The following CNDP1 variants were observed in gnomAD, a reference collection of about 807,000 sequenced individuals.
CNDP1 encodes the protein beta-Ala-His dipeptidase.
CNDP1 carries 44 observed loss-of-function variants against 58.1 expected under a neutral mutation model. That is an observed-to-expected ratio of 0.76 (90% CI 0.60 to 0.97). The LOEUF (loss-of-function observed/expected upper bound fraction) is 0.97, where lower values mean the gene tolerates loss of function less well. Ranked by LOEUF, CNDP1 falls within the 50% of genes least tolerant of loss-of-function variation. The pLI is 0.00. For missense variants in CNDP1, 616 were observed against 655.1 expected (o/e 0.94, Z 0.65); for synonymous variants, 254 against 252.6 (o/e 1.01, Z -0.05).
rs1201862404 is a variant in CNDP1 at position 74,545,860 on chromosome 18, C to T, written c.25-10478C>T. On this transcript the variant is annotated intron_variant, in intron 1 of 11. Transcript: ENST00000358821. The surrounding 1 kb of genome is among the most constrained non-coding windows in gnomAD (Gnocchi z 4.1). ...GATATCTCCAAAGGAGAATGTTCGC[C>T]TTGGGTTTTGGCTCCAGCGTCAGGC... is the stretch of plus-strand genomic sequence containing the variant. 1.3e-5 allele frequency among the ~76,000 whole-genome samples: 2 copies of T among 152,194 alleles called. No homozygotes were observed. The highest frequency in any genetic ancestry group is 1.5e-5 in the Non-Finnish European group (1 of 68,038).
chr18:74,560,990 G>C lies in CNDP1; in HGVS notation c.438G>C (p.Thr146=). ...CTGACCGGGGCGATGGGTGGCTCACGGACCCCTATGTGCTGACGGAGGTAG... is the reference window on the plus strand; with the variant it reads ...CTGACCGGGGCGATGGGTGGCTCACCGACCCCTATGTGCTGACGGAGGTAG... ...QPADRGDGWL[T]DPYVLTEVDG... The change falls in exon 4 of 12, where the codon ACG becomes ACC. Residue 146 remains threonine, a synonymous_variant. Transcript: ENST00000358821. The C allele has an allele frequency of 6.2e-7, 1 of 1,614,066 alleles. No homozygotes were observed. Among genetic ancestry groups the C allele is most frequent in the Non-Finnish European group, 8.5e-7 (1 of 1,180,000 alleles).
chr18:74,548,159 C>G (rs563680001), intron 1 of CNDP1, among the ~76,000 whole-genome samples: 2 of 152,312 alleles, frequency 1.3e-5, no homozygotes, highest in South Asian at 2.1e-4. Flanking sequence ...CTTTCGACAT[C>G]CCTAGATTTT....
At chr18:74,558,351 C>G (rs1426886764) in intron 2 of CNDP1, among the ~76,000 whole-genome samples, 1 of 151,752 alleles carries the variant, frequency 6.6e-6, no homozygotes, top group Admixed American at 6.6e-5. Context: ...CTCAGTGGTC[C>G]TCACCATCAC....
Position 74,576,989 on chromosome 18 carries a change from G to C in CNDP1, c.962G>C (p.Arg321Pro). ...KAIHLDLEEYRNSSRVEKFLF... is the reference protein window; with the variant it reads ...KAIHLDLEEYPNSSRVEKFLF... ...ATCCATCTAGACCTAGAAGAATACC[G>C]GAATAGCAGCCGGGTTGAGAAATTT... is the stretch of plus-strand genomic sequence containing the variant. The change falls in exon 8 of 12, where the codon CGG (arginine) becomes CCG (proline). Residue 321 changes from arginine to proline, a missense_variant. Arg to Pro is a moderately radical substitution (Grantham distance 103). Coordinates refer to ENST00000358821, the MANE Select transcript of CNDP1 (RefSeq NM_032649.6). 6.2e-7 allele frequency: 1 copy of C among 1,612,960 alleles called. No homozygotes were observed. Among genetic ancestry groups the C allele is most frequent in the Non-Finnish European group, 8.5e-7 (1 of 1,179,516 alleles).
chr18:74,537,759 G>T lies in CNDP1; in HGVS notation c.24+3068G>T, dbSNP rs192811486. On this transcript the variant is annotated intron_variant, in intron 1 of 11. Coordinates refer to ENST00000358821, the MANE Select transcript of CNDP1 (RefSeq NM_032649.6). ...ACTCCGGGCAAAGAGTGGTACCTGG[G>T]ATATGGACTCTGGGACCAGGAAGCT... Among the ~76,000 whole-genome samples, 157 of 152,306 alleles carry T rather than the reference G, an allele frequency of 1.0e-3. 1 individual carries two copies. In the East Asian group the frequency reaches 0.024, roughly 23 times the overall value.
intron 2 of CNDP1, among the ~76,000 whole-genome samples, chr18:74,557,563 C>T (rs1981075612): frequency 6.6e-6 from 1 of 152,058 alleles, no homozygotes; most frequent in Non-Finnish European, 1.5e-5. Flanking sequence ...CCTAGGCTCT[C>T]TTGTCCCCTC....
At chr18:74,564,959 A>G (rs938399250) in intron 5 of CNDP1, among the ~76,000 whole-genome samples, 1 of 152,244 alleles carries the variant, frequency 6.6e-6, no homozygotes, top group African/African-American at 2.4e-5. Context: ...TGATAAAGGC[A>G]TACCTGAGAC....
At chr18:74,539,829 A>G (rs1211361340) in intron 1 of CNDP1, among the ~76,000 whole-genome samples, 1 of 152,192 alleles carries the variant, frequency 6.6e-6, no homozygotes. Context: ...AGTTCCAACA[A>G]TTACCAACAT....
intron 5 of CNDP1, 144 bp from the exon 6 acceptor site, chr18:74,567,089 C>A (rs1373723505): frequency 6.1e-6 from 4 of 653,964 alleles, no homozygotes; most frequent in Non-Finnish European, 1.1e-5. Context: ...GAAAGACTGG[C>A]CCCCATGATT....
At chr18:74,581,469 T>C (rs912595140) in intron 10 of CNDP1, among the ~76,000 whole-genome samples, 7 of 152,128 alleles carry the variant, frequency 4.6e-5, no homozygotes, top group Admixed American at 2.0e-4. Flanking sequence ...GCCAAGGAGA[T>C]TCCACAGGAG....
At chr18:74,552,564 T>C (rs1378275105) in intron 1 of CNDP1, among the ~76,000 whole-genome samples, 2 of 152,260 alleles carry the variant, frequency 1.3e-5, no homozygotes, top group East Asian at 3.8e-4. Flanking sequence ...GTTCAAAGTT[T>C]GTCTACACTG....
At chr18:74,539,972 A>T (rs1158941763) in intron 1 of CNDP1, among the ~76,000 whole-genome samples, 2 of 152,204 alleles carry the variant, frequency 1.3e-5, no homozygotes, top group Admixed American at 1.3e-4. Context: ...AGGTGAGCAC[A>T]TGTGTGTATA....
chr18:74,551,338 A>G (rs1383710659), intron 1 of CNDP1, among the ~76,000 whole-genome samples: 1 of 149,490 alleles, frequency 6.7e-6, no homozygotes, highest in Non-Finnish European at 1.5e-5. Context: ...ACAGATAACT[A>G]GTTCAAGGTC....
intron 7 of CNDP1, among the ~76,000 whole-genome samples, chr18:74,573,165 T>C (rs1013860982): frequency 7.9e-5 from 12 of 152,156 alleles, no homozygotes; most frequent in Non-Finnish European, 1.5e-4. Flanking sequence ...CCATCTATCA[T>C]CTTTCTATGC....
intron 1 of CNDP1, among the ~76,000 whole-genome samples, chr18:74,555,598 G>T (rs1981017146): frequency 6.6e-6 from 1 of 152,170 alleles, no homozygotes; most frequent in Admixed American, 6.5e-5. Flanking sequence ...TGGCTCTTAG[G>T]CTCCCAAGGA....
chr18:74,539,744 C>G (rs913401642), intron 1 of CNDP1, among the ~76,000 whole-genome samples: 1 of 152,158 alleles, frequency 6.6e-6, no homozygotes, highest in Non-Finnish European at 1.5e-5. Context: ...CCTGCTCTCT[C>G]GTTTTAATGG....
chr18:74,580,122 C>T lies in CNDP1; in HGVS notation c.1168-8C>T. Reference sequence around the variant, plus strand: ...CTTTCTCTTATCATTGAAAATGTCACCTTTTAGGTGACACGACATCTTGAA... The same window carrying T: ...CTTTCTCTTATCATTGAAAATGTCATCTTTTAGGTGACACGACATCTTGAA... On this transcript the variant is annotated splice_polypyrimidine_tract_variant and splice_region_variant and intron_variant, in intron 9 of 11. Coordinates refer to ENST00000358821, the MANE Select transcript of CNDP1 (RefSeq NM_032649.6). 3.7e-6 allele frequency: 6 copies of T among 1,610,708 alleles called. No individual in the cohort carries two copies. Among genetic ancestry groups the T allele is most frequent in the Non-Finnish European group, 5.1e-6 (6 of 1,177,916 alleles).
chr18:74,576,748 G>A, intron 7 of CNDP1, 121 bp from the exon 8 acceptor site: 1 of 807,650 alleles, frequency 1.2e-6, no homozygotes, highest in South Asian at 2.6e-5. Flanking sequence ...TTGGCCACGG[G>A]GACCCAGACA....
chr18:74,569,764 G>A (rs752908754), intron 6 of CNDP1, among the ~76,000 whole-genome samples: 27 of 152,264 alleles, frequency 1.8e-4, no homozygotes, highest in South Asian at 6.2e-4. Context: ...AAGTCAGAGC[G>A]CAGGCACACA....
Sources: gnomAD v4.1 joint callset for allele counts (sites outside exome capture counted in the v4.1 genomes callset) on GRCh38, gnomAD v4.1.1 for gene constraint, Gnocchi (gnomAD v3.1) non-coding constraint, MANE v1.5 for transcripts, NCBI Gene and HGNC (gene_info 2026-07-23, HGNC 2026-07-21) for gene names.